The following PRIM2 variants were observed in gnomAD, a reference collection of about 807,000 sequenced individuals.
PRIM2 encodes the protein DNA primase subunit 2, also known as DNA primase large subunit.
PRIM2 carries 39 observed loss-of-function variants against 67.3 expected under a neutral mutation model. That is an observed-to-expected ratio of 0.58 (90% CI 0.45 to 0.76). The LOEUF is 0.76. PRIM2 is among the 30% of genes least tolerant of loss of function. PRIM2 has a pLI of 0.00. For synonymous variants in PRIM2, 143 were observed against 198.7 expected (o/e 0.72, Z 2.36); for missense variants, 398 against 598.7 (o/e 0.66, Z 3.50).
intron 5 of PRIM2, among the ~76,000 whole-genome samples, chr6:57,334,139 C>T (rs1229495188): frequency 1.3e-5 from 2 of 152,188 alleles, no homozygotes; most frequent in African/African-American, 2.4e-5. Flanking sequence ...TTAGATTCCA[C>T]ATATGAGTGA....
intron 13 of PRIM2, among the ~76,000 whole-genome samples, chr6:57,635,536 T>G (rs1777103805): frequency 2.0e-5 from 3 of 151,730 alleles, no homozygotes; most frequent in Admixed American, 2.0e-4. Flanking sequence ...TAATAGAAAT[T>G]AATGTTTTCA....
At chr6:57,627,279 C>CAAAAAAAAAAAAAAAAAAAA (rs1158722297) in intron 12 of PRIM2, among the ~76,000 whole-genome samples, 2 of 24,536 alleles carry the variant, frequency 8.2e-5, no homozygotes, top group African/African-American at 1.2e-4. Context: ...GACTCTGTCT[C>CAAAAAAAAAAAAAAAAAAAA]AAAAAAAAAA....
At chr6:57,506,825 A>G (rs1277469357) in intron 7 of PRIM2, among the ~76,000 whole-genome samples, 12 of 152,148 alleles carry the variant, frequency 7.9e-5, no homozygotes, top group African/African-American at 2.6e-4. Context: ...TCCTAGCTCA[A>G]TTTGAGGTCA....
the PRIM2 span, among the ~76,000 whole-genome samples, chr6:57,273,608 A>T: frequency 1.3e-5 from 2 of 152,134 alleles, no homozygotes; most frequent in South Asian, 4.1e-4. Flanking sequence ...TGATCATCTG[A>T]AGCCTTCTTC....
chr6:57,432,224 G>C (rs1216800465), intron 7 of PRIM2, among the ~76,000 whole-genome samples: 1 of 152,122 alleles, frequency 6.6e-6, no homozygotes, highest in Non-Finnish European at 1.5e-5. Context: ...CCATTTTTGG[G>C]GGGGGTTGGG....
chr6:57,297,918 G>A, the PRIM2 span, among the ~76,000 whole-genome samples: 2 of 152,274 alleles, frequency 1.3e-5, no homozygotes, highest in East Asian at 3.9e-4. Context: ...AAACCATGAC[G>A]ACTAAATGCA....
chr6:57,538,867 T>G (rs1333194426), intron 10 of PRIM2, among the ~76,000 whole-genome samples: 1 of 152,158 alleles, frequency 6.6e-6, no homozygotes, highest in Non-Finnish European at 1.5e-5. Flanking sequence ...TCTTACGGGA[T>G]TAGGGCCCCA....
intron 10 of PRIM2, among the ~76,000 whole-genome samples, chr6:57,591,674 G>A (rs1464354761): frequency 1.3e-5 from 2 of 152,140 alleles, no homozygotes; most frequent in Admixed American, 1.3e-4. Flanking sequence ...AAATTAATGG[G>A]TGATGGCGAG....
At chr6:57,557,489 C>T (rs1398970412) in intron 10 of PRIM2, among the ~76,000 whole-genome samples, 1 of 152,076 alleles carries the variant, frequency 6.6e-6, no homozygotes, top group Non-Finnish European at 1.5e-5. Context: ...GAGCTGGAGG[C>T]CATTATCCTT....
chr6:57,427,368 G>T (rs1359361943), intron 7 of PRIM2, among the ~76,000 whole-genome samples: 1 of 152,098 alleles, frequency 6.6e-6, no homozygotes, highest in African/African-American at 2.4e-5. Flanking sequence ...GCTCAGGCTG[G>T]AGTGCAGTGG....
chr6:57,460,228 T>A (rs1184958845), intron 7 of PRIM2, among the ~76,000 whole-genome samples: 1 of 152,108 alleles, frequency 6.6e-6, no homozygotes, highest in East Asian at 1.9e-4. Context: ...AGTGGCTTGT[T>A]AGATATCAGA....
upstream of PRIM2, among the ~76,000 whole-genome samples, chr6:57,313,988 A>G (rs1403748296): frequency 2.0e-5 from 3 of 152,214 alleles, no homozygotes; most frequent in Admixed American, 6.5e-5. Flanking sequence ...GGTAATGCCC[A>G]AGGCAGGCAC....
chr6:57,393,501 T>C (rs1272877500), intron 7 of PRIM2, among the ~76,000 whole-genome samples: 1 of 152,076 alleles, frequency 6.6e-6, no homozygotes, highest in African/African-American at 2.4e-5. Flanking sequence ...TTTGATGGAA[T>C]TGTTTGTTTG....
intron 7 of PRIM2, among the ~76,000 whole-genome samples, chr6:57,468,628 A>G (rs1481155232): frequency 2.0e-5 from 3 of 152,134 alleles, no homozygotes; most frequent in Non-Finnish European, 4.4e-5. Context: ...TGGTATCAGG[A>G]TGATGTTGGC....
intron 8 of PRIM2, among the ~76,000 whole-genome samples, chr6:57,515,248 A>G (rs1487363981): frequency 3.9e-5 from 6 of 152,254 alleles, no homozygotes; most frequent in Non-Finnish European, 7.3e-5. Context: ...TCAGATATGT[A>G]TAGCTTTTGG....
chr6:57,628,438 TAAC>T (rs1489142881), intron 12 of PRIM2, among the ~76,000 whole-genome samples: 1 of 152,254 alleles, frequency 6.6e-6, no homozygotes, highest in Non-Finnish European at 1.5e-5. Context: ...TACTCTTGCC[TAAC>T]AACATCTTCA....
At chr6:57,327,951 G>T (rs1004809502) in intron 5 of PRIM2, among the ~76,000 whole-genome samples, 7 of 152,110 alleles carry the variant, frequency 4.6e-5, no homozygotes, top group African/African-American at 1.7e-4. Flanking sequence ...ATCATAAGGA[G>T]TGCACATCTT....
At chr6:57,637,090 TC>T (rs1777135516) in intron 13 of PRIM2, among the ~76,000 whole-genome samples, 1 of 152,126 alleles carries the variant, frequency 6.6e-6, no homozygotes, top group South Asian at 2.1e-4. Flanking sequence ...TTCTGCAGCC[TC>T]CACTGGTGAT....
intron 7 of PRIM2, among the ~76,000 whole-genome samples, chr6:57,405,043 C>A (rs368916045): frequency 3.4e-5 from 5 of 146,350 alleles, no homozygotes; most frequent in African/African-American, 5.0e-5. Flanking sequence ...GTGTTGCTTT[C>A]ATTGACACCT....
Sources: gnomAD v4.1 joint callset for allele counts (sites outside exome capture counted in the v4.1 genomes callset) on GRCh38, gnomAD v4.1.1 for gene constraint, MANE v1.5 for transcripts, NCBI Gene and HGNC (gene_info 2026-07-23, HGNC 2026-07-21) for gene names.